Variants in CSMD1 observed in about 807,000 individuals in gnomAD.
CSMD1 encodes CUB and sushi domain-containing protein 1.
In CSMD1, 213 loss-of-function variants were observed where a neutral mutation model predicts 417.5. The ratio of observed to expected loss-of-function variants is 0.51; its 90% CI spans 0.46 to 0.57. The LOEUF (loss-of-function observed/expected upper bound fraction) is 0.57, where lower values mean the gene tolerates loss of function less well. Among genes scored for constraint, CSMD1 ranks in the 20% least tolerant of loss-of-function variants. CSMD1 has a pLI of 0.00. For synonymous variants in CSMD1, 2,862 were observed against 1,736.8 expected (o/e 1.65, Z -16.11); for missense variants, 6,923 against 4,529.7 (o/e 1.53, Z -15.17).
intron 3 of CSMD1, among the ~76,000 whole-genome samples, chr8:4,373,375 G>A (rs539043125): frequency 6.6e-6 from 1 of 152,332 alleles, no homozygotes; most frequent in Non-Finnish European, 1.5e-5. Flanking sequence ...TTTATTAACT[G>A]CAACAAATGT....
chr8:4,436,497 A>G (rs975049642), intron 2 of CSMD1, among the ~76,000 whole-genome samples: 9 of 152,042 alleles, frequency 5.9e-5, no homozygotes, highest in African/African-American at 2.2e-4. Flanking sequence ...GTTGAGGGGT[A>G]TCTCTCCTCT....
At chr8:3,269,877 A>G (rs1801710393) in intron 26 of CSMD1, among the ~76,000 whole-genome samples, 1 of 152,242 alleles carries the variant, frequency 6.6e-6, no homozygotes, top group Non-Finnish European at 1.5e-5. Context: ...TGGATATCTC[A>G]TGAGCCTCTA....
At chr8:3,908,735 T>C (rs868548091) in intron 5 of CSMD1, among the ~76,000 whole-genome samples, 3 of 152,302 alleles carry the variant, frequency 2.0e-5, no homozygotes, top group African/African-American at 7.2e-5. Context: ...AAAGATATTA[T>C]TAATATACCT....
intron 3 of CSMD1, among the ~76,000 whole-genome samples, chr8:4,047,179 G>C (rs1015319973): frequency 3.9e-5 from 6 of 152,146 alleles, no homozygotes; most frequent in African/African-American, 1.4e-4. Context: ...TCTGACCTGT[G>C]CTGGGCCAGA....
At chr8:4,358,151 G>A (rs1801540499) in intron 3 of CSMD1, among the ~76,000 whole-genome samples, 2 of 152,136 alleles carry the variant, frequency 1.3e-5, no homozygotes, top group East Asian at 1.9e-4. Context: ...AAATTTCCAT[G>A]CATGCAAAAT....
intron 3 of CSMD1, among the ~76,000 whole-genome samples, chr8:4,349,321 C>T (rs1331117563): frequency 6.6e-6 from 1 of 152,110 alleles, no homozygotes; most frequent in Non-Finnish European, 1.5e-5. Context: ...TCTAAGACCT[C>T]CACAGAATTG....
chr8:4,263,545 A>T (rs1053807781), intron 3 of CSMD1, among the ~76,000 whole-genome samples: 1 of 152,134 alleles, frequency 6.6e-6, no homozygotes, highest in African/African-American at 2.4e-5. Context: ...AGCTACTTTG[A>T]TGTCTTTCTT....
At chr8:3,272,760 G>T (rs973856515) in intron 26 of CSMD1, among the ~76,000 whole-genome samples, 1 of 148,888 alleles carries the variant, frequency 6.7e-6, no homozygotes, top group Non-Finnish European at 1.5e-5. Flanking sequence ...AAGAATGCTT[G>T]TGATTTTTGT....
At chr8:3,789,714 T>C (rs1384656405) in intron 5 of CSMD1, among the ~76,000 whole-genome samples, 3 of 147,532 alleles carry the variant, frequency 2.0e-5, no homozygotes, top group African/African-American at 5.0e-5. Flanking sequence ...GATGTTAAAA[T>C]GATCATGGTT....
intron 7 of CSMD1, among the ~76,000 whole-genome samples, chr8:3,643,364 C>G (rs1475775831): frequency 2.6e-5 from 4 of 152,102 alleles, no homozygotes; most frequent in Admixed American, 2.6e-4. Flanking sequence ...ATGGGGTTTA[C>G]AAGCTGATGA....
At chr8:3,245,454 T>G (rs1365854606) in intron 26 of CSMD1, among the ~76,000 whole-genome samples, 1 of 152,244 alleles carries the variant, frequency 6.6e-6, no homozygotes, top group Non-Finnish European at 1.5e-5. Flanking sequence ...GGAAGTACTT[T>G]CTCAGTTCCT....
At chr8:4,275,357 G>T (rs556245734) in intron 3 of CSMD1, among the ~76,000 whole-genome samples, 12 of 152,266 alleles carry the variant, frequency 7.9e-5, no homozygotes, top group African/African-American at 2.9e-4. Flanking sequence ...AAGAAACTCA[G>T]TGCCAAGATT....
intron 3 of CSMD1, among the ~76,000 whole-genome samples, chr8:4,390,497 T>TTTTTTTTTTTTTTTATTTATTTATTTA (rs58291340): frequency 2.1e-5 from 3 of 140,324 alleles, no homozygotes; most frequent in Non-Finnish European, 4.6e-5. Flanking sequence ...AAGCGTCCAT[T>TTTTTTTTTTTTTTTATTTATTTATTTA]TTTATTTATT....
intron 18 of CSMD1, among the ~76,000 whole-genome samples, chr8:3,384,884 AAT>A (rs1259882666): frequency 8.2e-6 from 1 of 122,004 alleles, no homozygotes; most frequent in Non-Finnish European, 1.6e-5. Flanking sequence ...TATATATGCA[AAT>A]ATATAATATA....
intron 3 of CSMD1, among the ~76,000 whole-genome samples, chr8:4,386,135 C>T (rs890386851): frequency 6.6e-6 from 1 of 152,176 alleles, no homozygotes; most frequent in Admixed American, 6.5e-5. Flanking sequence ...TTCAAACCTT[C>T]CGTCCCTGGT....
chr8:2,961,308 A>G (rs566919280), intron 61 of CSMD1, 94 bp from the exon 62 acceptor site: 54 of 633,786 alleles, frequency 8.5e-5, no homozygotes, highest in African/African-American at 5.5e-4. Flanking sequence ...TGAAATAGAG[A>G]AAATATTGTT....
rs1261815898 is a variant in CSMD1 at position 3,205,693 on chromosome 8, A to G, written c.4868-73T>C. On this transcript the variant is annotated intron_variant, in intron 30 of 69. Coordinates refer to ENST00000635120, the MANE Select transcript of CSMD1 (RefSeq NM_033225.6). Reference sequence around the variant, plus strand: ...AGGTGATAGGTGAGCCAAAGCTGAAACACATCAAACACGTGAGCACGTTTA... The same window carrying G: ...AGGTGATAGGTGAGCCAAAGCTGAAGCACATCAAACACGTGAGCACGTTTA... 8.0e-6 allele frequency: 5 copies of G among 621,688 alleles called. No homozygotes were observed. In the Admixed American group the frequency reaches 1.7e-4, roughly 22 times the overall value. 38.5% of individuals were successfully genotyped at this position (621,688 alleles called of 1,614,324 possible). A position where few individuals can be genotyped will look rare whatever the true frequency, so the allele number is the denominator to read the frequency against.
At chr8:3,123,786 C>T (rs753503305) in intron 41 of CSMD1, among the ~76,000 whole-genome samples, 7 of 152,176 alleles carry the variant, frequency 4.6e-5, no homozygotes, top group Non-Finnish European at 8.8e-5. Context: ...TTCATAGGTA[C>T]TCCTGGTGAA....
chr8:4,074,670 T>C (rs995100320), intron 3 of CSMD1, among the ~76,000 whole-genome samples: 2 of 152,056 alleles, frequency 1.3e-5, no homozygotes, highest in African/African-American at 2.4e-5. Flanking sequence ...TAATTGACAA[T>C]GGTACGTTAA....
Sources: allele counts gnomAD v4.1 joint callset (sites outside exome capture counted in the v4.1 genomes callset), GRCh38; gene constraint gnomAD v4.1.1; transcripts MANE v1.5; gene names NCBI Gene and HGNC (gene_info 2026-07-23, HGNC 2026-07-21).